Variants in PRMT8 observed in about 807,000 individuals in gnomAD.
The protein encoded by PRMT8 is protein arginine N-methyltransferase 8.
PRMT8 carries 7 observed loss-of-function variants against 47.1 expected under a neutral mutation model. That is an observed-to-expected ratio of 0.15 (90% confidence interval 0.08 to 0.28). The LOEUF is 0.28. Ranked by LOEUF, PRMT8 falls within the 10% of genes least tolerant of loss-of-function variation. The pLI, the probability that PRMT8 is intolerant of heterozygous loss-of-function variation, is 1.00. For synonymous variants in PRMT8, 188 were observed against 186.5 expected, an observed-to-expected ratio of 1.01 and a Z score of -0.07; for missense variants, 237 against 505.4, an observed-to-expected ratio of 0.47 and a Z score of 5.09.
At chr12:3,408,475 G>A (rs1212276468) in intron 1 of PRMT8, among the ~76,000 whole-genome samples, 3 of 152,160 alleles carry the variant, frequency 2.0e-5, no homozygotes, top group African/African-American at 4.8e-5. Context: ...GGACTCAAGC[G>A]ATCTTCCTGC....
rs188950221 is a variant in PRMT8, at chr12:3,569,943, G to C, written c.712+379G>C. 3.5e-4 allele frequency among the ~76,000 whole-genome samples: 54 copies of C among 152,300 alleles called. 1 individual carries two copies. Among genetic ancestry groups the C allele is most frequent in the African/African-American group, 1.3e-3 (53 of 41,562 alleles). ...TCCACCGCAGGGGTCTGAAGTAGCA[G>C]GTCTCTTGCCAGGCCAATTGTTTTG... On this transcript the variant is annotated intron_variant, in intron 6 of 9. Transcript: ENST00000382622. The surrounding 1 kb of genome is among the most constrained non-coding windows in gnomAD (Gnocchi z 8.2).
chr12:3,476,218 C>T (rs6489473), intron 1 of PRMT8, among the ~76,000 whole-genome samples: 115,262 of 152,008 alleles, frequency 0.76, 43,971 homozygotes, highest in Middle Eastern at 0.86. Flanking sequence ...CAGACACACA[C>T]CAACACTCCT....
chr12:3,480,744 C>T (rs1865266606), intron 1 of PRMT8, among the ~76,000 whole-genome samples: 1 of 152,144 alleles, frequency 6.6e-6, no homozygotes, highest in Non-Finnish European at 1.5e-5. Flanking sequence ...ACCAGTGTAA[C>T]ATGATTTTAA....
intron 2 of PRMT8, among the ~76,000 whole-genome samples, chr12:3,546,841 G>A (rs562477771): frequency 6.6e-6 from 1 of 152,040 alleles, no homozygotes; most frequent in Non-Finnish European, 1.5e-5. Context: ...TTTGATTACC[G>A]AAGAAAAGGT....
intron 7 of PRMT8, among the ~76,000 whole-genome samples, chr12:3,577,420 A>G (rs150964205): frequency 6.6e-6 from 1 of 152,250 alleles, no homozygotes; most frequent in African/African-American, 2.4e-5. Context: ...CCTTTGCCCC[A>G]GCGGCCTGCC....
At chr12:3,470,102 A>T (rs966872371) in intron 1 of PRMT8, among the ~76,000 whole-genome samples, 1 of 152,200 alleles carries the variant, frequency 6.6e-6, no homozygotes, top group Admixed American at 6.5e-5. Flanking sequence ...GGAGCGGATT[A>T]TAACGAATAC....
chr12:3,386,836 A>T (rs1368283868), intron 1 of PRMT8, among the ~76,000 whole-genome samples: 1 of 151,498 alleles, frequency 6.6e-6, no homozygotes, highest in African/African-American at 2.4e-5. Flanking sequence ...CAGCCTCCCG[A>T]GTAGCTGAGA....
chr12:3,516,288 G>A (rs1865790139), intron 1 of PRMT8, among the ~76,000 whole-genome samples: 1 of 152,176 alleles, frequency 6.6e-6, no homozygotes, highest in Non-Finnish European at 1.5e-5. Context: ...TTCTTTGCCT[G>A]GTCCCCTCTT....
intron 1 of PRMT8, among the ~76,000 whole-genome samples, chr12:3,406,164 G>C (rs1864370991): frequency 6.6e-6 from 1 of 152,238 alleles, no homozygotes; most frequent in Admixed American, 6.5e-5. Context: ...TGAAGCAATG[G>C]CTTGAGCTGT....
chr12:3,426,575 C>A (rs150529170), intron 1 of PRMT8, among the ~76,000 whole-genome samples: 2,326 of 152,302 alleles, frequency 0.015, 29 homozygotes, highest in Middle Eastern at 0.024. Flanking sequence ...AAGTAGAGAG[C>A]TGTCTTTGAC....
chr12:3,403,149 GA>G (rs1175413960), intron 1 of PRMT8, among the ~76,000 whole-genome samples: 1 of 152,166 alleles, frequency 6.6e-6, no homozygotes, highest in African/African-American at 2.4e-5. Context: ...AAAAAGAATT[GA>G]GATCTTGTCC....
intron 1 of PRMT8, among the ~76,000 whole-genome samples, chr12:3,526,840 T>G (rs1865955931): frequency 6.6e-6 from 1 of 152,220 alleles, no homozygotes; most frequent in South Asian, 2.1e-4. Context: ...ATGGTATATA[T>G]CTTTTGTCAT....
At chr12:3,443,694 C>T (rs1465682010) in intron 1 of PRMT8, among the ~76,000 whole-genome samples, 1 of 152,184 alleles carries the variant, frequency 6.6e-6, no homozygotes, top group Admixed American at 6.5e-5. Flanking sequence ...ACATCATCCT[C>T]CTGGTTTAAA....
chr12:3,486,799 A>G (rs1865327516), upstream of PRMT8, among the ~76,000 whole-genome samples: 1 of 152,218 alleles, frequency 6.6e-6, no homozygotes, highest in African/African-American at 2.4e-5. Flanking sequence ...CCTCCCAGAT[A>G]TTGTTAAAGC....
intron 1 of PRMT8, among the ~76,000 whole-genome samples, chr12:3,403,292 A>G (rs1864336819): frequency 6.6e-6 from 1 of 152,142 alleles, no homozygotes; most frequent in Admixed American, 6.6e-5. Flanking sequence ...ACATGAGGGG[A>G]ACAACACACA....
intron 1 of PRMT8, among the ~76,000 whole-genome samples, chr12:3,515,101 A>G (rs559436159): frequency 6.6e-6 from 1 of 152,364 alleles, no homozygotes; most frequent in Non-Finnish European, 1.5e-5. Context: ...ACTAAGACAC[A>G]AATGGGTTCA....
intron 1 of PRMT8, among the ~76,000 whole-genome samples, chr12:3,464,146 C>T (rs763583740): frequency 1.3e-5 from 2 of 152,004 alleles, no homozygotes; most frequent in Non-Finnish European, 2.9e-5. Context: ...TATTAAGGAA[C>T]ACAAAGCAAA....
chr12:3,469,069 C>A lies in PRMT8; in HGVS notation c.49-71537C>A, dbSNP rs958600313. On this transcript the variant is annotated intron_variant, in intron 1 of 9. Transcript: ENST00000452611. ...ACAACAAGGCCATTAAGAAATTCAT[C>A]ATTTGAAACACAGTGGAGGCCGCAG... The A allele has an allele frequency of 2.4e-5, 11 of 459,508 alleles. No individual in the cohort carries two copies. In the Admixed American group the frequency reaches 2.5e-4, roughly 10 times the overall value. 28.5% of individuals were successfully genotyped at this position (459,508 alleles called of 1,614,324 possible).
chr12:3,427,356 C>T (rs930379561), intron 1 of PRMT8, among the ~76,000 whole-genome samples: 6 of 151,852 alleles, frequency 4.0e-5, no homozygotes, highest in Non-Finnish European at 8.8e-5. Flanking sequence ...TAAGAAAAAC[C>T]CATTGTGTTT....
Sources: gnomAD v4.1 joint callset for allele counts (sites outside exome capture counted in the v4.1 genomes callset) on GRCh38, gnomAD v4.1.1 for gene constraint, Gnocchi (gnomAD v3.1) non-coding constraint, MANE v1.5 for transcripts, NCBI Gene and HGNC (gene_info 2026-07-23, HGNC 2026-07-21) for gene names.